Variants in JUND observed in about 807,000 individuals in gnomAD.
JUND encodes transcription factor JunD.
A neutral mutation model predicts 7.1 loss-of-function variants in JUND; 2 were observed. That is an observed-to-expected ratio of 0.28 (90% CI 0.11 to 0.88). The LOEUF (loss-of-function observed/expected upper bound fraction) is 0.88. JUND is among the 40% of genes least tolerant of loss of function. The probability of loss-of-function intolerance (pLI) is 0.60; values close to 1 mark genes in which losing one functional copy is unlikely to be tolerated. For synonymous variants in JUND, 335 were observed against 263.2 expected (o/e 1.27, Z -2.64); for missense variants, 479 against 519.1 (o/e 0.92, Z 0.75).
chr19:18,280,543 C>T lies in JUND; in HGVS notation c.942G>A (p.Ala314=), dbSNP rs779640271. The T allele has an allele frequency of 1.9e-6, 3 of 1,612,106 alleles. No homozygotes were observed. The highest frequency in any genetic ancestry group is 1.7e-6 in the Non-Finnish European group (2 of 1,179,554). ...KSQNTELAST[A]SLLREQVAQL... Reference sequence around the variant, plus strand: ...GCGCCACCTGCTCGCGCAGCAGGCTCGCCGTGGACGCCAGCTCCGTGTTCT... The same window carrying T: ...GCGCCACCTGCTCGCGCAGCAGGCTTGCCGTGGACGCCAGCTCCGTGTTCT... Residue 314 remains alanine (A), a synonymous_variant, in exon 1 of 1, where the codon GCG becomes GCA. Transcript: ENST00000252818. This position sits in a 1 kb window ranked among gnomAD's most constrained non-coding sequence, Gnocchi z 4.1.
In JUND at chr19:18,280,280, G is replaced by C; in HGVS notation, c.*161C>G. ...GTCGAGTCCTGGGCACCCTCGGGGG[G>C]GGGGAATCCCCGGGGGCCGCGCCCT... On this transcript the variant is annotated 3_prime_UTR_variant, in exon 1 of 1. Transcript: ENST00000252818. This position sits in a 1 kb window ranked among gnomAD's most constrained non-coding sequence, Gnocchi z 4.1. 3 of 659,820 alleles carry C rather than the reference G, an allele frequency of 4.5e-6. No homozygotes were observed. Among genetic ancestry groups the C allele is most frequent in the Non-Finnish European group, 7.4e-6 (3 of 408,032 alleles). The allele number at this position is 659,820 out of a possible 1,614,324, so 40.9% of individuals were successfully genotyped here.
rs1173023964 is a variant in JUND at position 18,280,999 on chromosome 19, G to A, written c.486C>T (p.Ala162=). 2 of 1,231,952 alleles carry A rather than the reference G, an allele frequency of 1.6e-6. No individual in the cohort carries two copies. The highest frequency in any genetic ancestry group is 2.0e-6 in the Non-Finnish European group (2 of 987,578). 76.3% of individuals were successfully genotyped at this position (1,231,952 alleles called of 1,614,324 possible). A position where few individuals can be genotyped will look rare whatever the true frequency, so the allele number is the denominator to read the frequency against. The change falls in exon 1 of 1, where the codon GCC becomes GCT. Residue 162 remains alanine (A), a synonymous_variant. Coordinates refer to ENST00000252818, the MANE Select transcript of JUND (RefSeq NM_005354.6). This position sits in a 1 kb window ranked among gnomAD's most constrained non-coding sequence, Gnocchi z 4.1. ...CCGAGGGCCCCCCGGCGGCGGCGGC[G>A]GCGGCGGCAGCGGCCGCGCCCGCGC... ...QLGAGAAAAA[A]AAAAGGPSGT...
At position 18,280,866 on chromosome 19, in the gene JUND, C is replaced by G; in HGVS notation, c.619G>C (p.Ala207Pro). Reference protein sequence around the residue: ...LSSYAGGAGGAGGAATVAFAA... With the variant: ...LSSYAGGAGGPGGAATVAFAA... ...AAGGCGACCGTCGCGGCGCCCCCCG[C>G]GCCCCCGGCGCCGCCCGCGTAGCTG... The change falls in exon 1 of 1, where the codon GCG (alanine) becomes CCG (proline). Residue 207 changes from alanine to proline, a missense_variant. By Grantham distance (27) the Ala-to-Pro change is conservative. Around this residue, in one of 3 missense-constraint regions of JUND, gnomAD observed 374 missense variants for 365.4 expected, o/e 1.02. Coordinates refer to ENST00000252818, the MANE Select transcript of JUND (RefSeq NM_005354.6). This position sits in a 1 kb window ranked among gnomAD's most constrained non-coding sequence, Gnocchi z 4.1. 1 of 1,297,814 alleles carries G rather than the reference C, an allele frequency of 7.7e-7. No homozygotes were observed. Among genetic ancestry groups the G allele is most frequent in the Non-Finnish European group, 9.7e-7 (1 of 1,033,882 alleles). 80.4% of individuals were successfully genotyped at this position (1,297,814 alleles called of 1,614,324 possible).
rs2148120637 is a variant in JUND, at chr19:18,280,136, C to G, written c.*305G>C. 1 of 348,584 alleles carries G rather than the reference C, an allele frequency of 2.9e-6. No individual in the cohort carries two copies. Among genetic ancestry groups the G allele is most frequent in the East Asian group, 8.4e-5 (1 of 11,844 alleles). The allele number at this position is 348,584 out of a possible 1,614,324, so 21.6% of individuals were successfully genotyped here. ...GAGCCCCCTTCCGCGGCGCGGTGTA[C>G]AAAGGGGCAGCCGAGACGCGCGGGT... On this transcript the variant is annotated 3_prime_UTR_variant, in exon 1 of 1. Coordinates refer to ENST00000252818, the MANE Select transcript of JUND (RefSeq NM_005354.6). The surrounding 1 kb of genome is among the most constrained non-coding windows in gnomAD (Gnocchi z 4.1).
chr19:18,281,547 G>GC lies in JUND; in HGVS notation c.-64dup, dbSNP rs1042984514. On this transcript the variant is annotated 5_prime_UTR_variant, in exon 1 of 1. Transcript: ENST00000252818. Reference sequence around the variant, plus strand: ...GGCCGCGGCCTCCCGGGGGGCCCGCGCCCCCCCGTCCGCTCGGCCCTGCGC... The same window carrying GC: ...GGCCGCGGCCTCCCGGGGGGCCCGCGCCCCCCCCGTCCGCTCGGCCCTGCGC... 113 of 840,110 alleles carry GC rather than the reference G, an allele frequency of 1.3e-4. No individual in the cohort carries two copies. Among genetic ancestry groups the GC allele is most frequent in the Admixed American group, 5.4e-4 (10 of 18,430 alleles). 52.0% of individuals were successfully genotyped at this position (840,110 alleles called of 1,614,324 possible). A position where few individuals can be genotyped will look rare whatever the true frequency, so the allele number is the denominator to read the frequency against.
chr19:18,280,212 G>C lies in JUND; in HGVS notation c.*229C>G. On this transcript the variant is annotated 3_prime_UTR_variant, in exon 1 of 1. Transcript: ENST00000252818. The surrounding 1 kb of genome is among the most constrained non-coding windows in gnomAD (Gnocchi z 4.1). The stretch of plus-strand genomic sequence containing the variant: ...GGGGAAAGAGGCAGCGCGAGGGCGG[G>C]GGGGTCATGCGCTCGCCCCCCCGGG... 1 of 443,884 alleles carries C rather than the reference G, an allele frequency of 2.3e-6. No homozygotes were observed. The highest frequency in any genetic ancestry group is 4.0e-6 in the Non-Finnish European group (1 of 249,640). The allele number at this position is 443,884 out of a possible 1,614,324, so 27.5% of individuals were successfully genotyped here.
Position 18,281,432 on chromosome 19 carries a change from G to A in JUND, c.53C>T (p.Ala18Val), listed in dbSNP as rs996783975. Residue 18 changes from alanine (A) to valine (V), a missense_variant, in exon 1 of 1, where the codon GCC (alanine) becomes GTC (valine). By Grantham distance (64) the Ala-to-Val change is moderately conservative. Around this residue, in one of 3 missense-constraint regions of JUND, gnomAD observed 374 missense variants for 365.4 expected, o/e 1.02. Coordinates refer to ENST00000252818, the MANE Select transcript of JUND (RefSeq NM_005354.6). ...CGCGAAGCTGCCGCCGCTGCCACTG[G>A]CGCCGCCGCCCAGGCCGCTCAGCGC... ...DEALSGLGGG[A>V]SGSGGSFASP... The A allele has an allele frequency of 1.5e-6, 2 of 1,366,366 alleles. No homozygotes were observed. Among genetic ancestry groups the A allele is most frequent in the Non-Finnish European group, 1.9e-6 (2 of 1,065,212 alleles). The allele number at this position is 1,366,366 out of a possible 1,614,324, so 84.6% of individuals were successfully genotyped here.
Position 18,281,330 on chromosome 19 carries a change from A to G in JUND, c.155T>C (p.Leu52Pro). Residue 52 changes from leucine (L) to proline (P), a missense_variant, in exon 1 of 1, where the codon CTG becomes CCG. Leu to Pro is a moderately conservative substitution (Grantham distance 98). Coordinates refer to ENST00000252818, the MANE Select transcript of JUND (RefSeq NM_005354.6). Reference protein sequence around the residue: ...GSMMKKDALTLSLSEQVAAAL... With the variant: ...GSMMKKDALTPSLSEQVAAAL... The stretch of plus-strand genomic sequence containing the variant: ...TGCCGCCACCTGCTCACTCAGGCTC[A>G]GCGTCAGCGCGTCCTTCTTCATCAT... 3 of 1,356,470 alleles carry G rather than the reference A, an allele frequency of 2.2e-6. No homozygotes were observed. The highest frequency in any genetic ancestry group is 2.8e-6 in the Non-Finnish European group (3 of 1,064,320). 84.0% of individuals were successfully genotyped at this position (1,356,470 alleles called of 1,614,324 possible). A position where few individuals can be genotyped will look rare whatever the true frequency, so the allele number is the denominator to read the frequency against.
Position 18,281,452 on chromosome 19 carries a change from C to T in JUND, c.33G>A (p.Leu11=). 7.3e-7 allele frequency: 1 copy of T among 1,370,188 alleles called. No homozygotes were observed. The highest frequency in any genetic ancestry group is 9.4e-7 in the Non-Finnish European group (1 of 1,064,698). The allele number at this position is 1,370,188 out of a possible 1,614,324, so 84.9% of individuals were successfully genotyped here. A position where few individuals can be genotyped will look rare whatever the true frequency, so the allele number is the denominator to read the frequency against. ...CACTGGCGCCGCCGCCCAGGCCGCT[C>T]AGCGCCTCATCGCCGTAGAAGGGTG... METPFYGDEA[L]SGLGGGASGS... The change falls in exon 1 of 1, where the codon CTG becomes CTA. Residue 11 remains leucine (L), a synonymous_variant. Coordinates refer to ENST00000252818, the MANE Select transcript of JUND (RefSeq NM_005354.6).
Position 18,281,279 on chromosome 19 carries a change from G to A in JUND, c.206C>T (p.Pro69Leu), listed in dbSNP as rs576882801. ...GCCGTCGGCGCGCAGGGGGGTAGGA[G>A]GCGGCGCGGCCGCAGGCTTGAGCGC... ...AAALKPAAAP[P>L]PTPLRADGAP... The change falls in exon 1 of 1, where the codon CCT (proline) becomes CTT (leucine). Residue 69 changes from proline (P) to leucine (L), a missense_variant. Physicochemically the swap from Pro to Leu is moderately conservative, Grantham distance 98. This residue lies in a region of JUND where 374 missense variants were observed against 365.4 expected (regional missense o/e 1.02). Transcript: ENST00000252818. The A allele has an allele frequency of 3.4e-5, 49 of 1,422,670 alleles. No individual in the cohort carries two copies. The African/African-American group carries it at 5.4e-4, about 16-fold the overall frequency. The allele number at this position is 1,422,670 out of a possible 1,614,324, so 88.1% of individuals were successfully genotyped here.
Position 18,281,429 on chromosome 19 carries a change from C to T in JUND, c.56G>A (p.Ser19Asn), listed in dbSNP as rs1969947650. The part of the protein sequence containing the change: ...EALSGLGGGA[S>N]GSGGSFASPG... ...GGACGCGAAGCTGCCGCCGCTGCCA[C>T]TGGCGCCGCCGCCCAGGCCGCTCAG... Residue 19 changes from serine to asparagine, a missense_variant, in exon 1 of 1, where the codon AGT becomes AAT. Ser to Asn is a conservative substitution (Grantham distance 46). Transcript: ENST00000252818. The T allele has an allele frequency of 7.3e-7, 1 of 1,366,042 alleles. No homozygotes were observed. The highest frequency in any genetic ancestry group is 9.4e-7 in the Non-Finnish European group (1 of 1,065,078). 84.6% of individuals were successfully genotyped at this position (1,366,042 alleles called of 1,614,324 possible). A position where few individuals can be genotyped will look rare whatever the true frequency, so the allele number is the denominator to read the frequency against.
Position 18,279,701 on chromosome 19 carries a change from C to T in JUND, c.*740G>A, listed in dbSNP as rs541023467. 1.3e-5 allele frequency: 2 copies of T among 152,020 alleles called. No homozygotes were observed. The highest frequency in any genetic ancestry group is 2.4e-5 in the African/African-American group (1 of 41,030). 9.4% of individuals were successfully genotyped at this position (152,020 alleles called of 1,614,324 possible). On this transcript the variant is annotated 3_prime_UTR_variant, in exon 1 of 1. Transcript: ENST00000252818. ...GGCGGGGGTGTAGGGGGGAAGCGAACCAGGCCCCGCCCAGCCCGCCAGGCC... is the reference window on the plus strand; with the variant it reads ...GGCGGGGGTGTAGGGGGGAAGCGAATCAGGCCCCGCCCAGCCCGCCAGGCC...
Position 18,280,364 on chromosome 19 carries a change from G to A in JUND, c.*77C>T. The stretch of plus-strand genomic sequence containing the variant: ...GTCCCCAGGGCCGCACCCTCTCCAA[G>A]TCCGGGGCGCCCACGACACCCCCCC... On this transcript the variant is annotated 3_prime_UTR_variant, in exon 1 of 1. Coordinates refer to ENST00000252818, the MANE Select transcript of JUND (RefSeq NM_005354.6). The surrounding 1 kb of genome is among the most constrained non-coding windows in gnomAD (Gnocchi z 4.1). 6.8e-7 allele frequency: 1 copy of A among 1,475,010 alleles called. No homozygotes were observed. Among genetic ancestry groups the A allele is most frequent in the South Asian group, 1.3e-5 (1 of 79,536 alleles). The allele number at this position is 1,475,010 out of a possible 1,614,324, so 91.4% of individuals were successfully genotyped here.
rs775374628 is a variant in JUND at position 18,280,825 on chromosome 19, C to T, written c.660G>A (p.Val220=). ...CTGGGGGTGGCGGCGGCGGGAAGGGCACAGGTTCGGCAGCGAAGGCGACCG... is the reference window on the plus strand; with the variant it reads ...CTGGGGGTGGCGGCGGCGGGAAGGGTACAGGTTCGGCAGCGAAGGCGACCG... ...AATVAFAAEP[V]PFPPPPPPGA... Residue 220 remains valine (V), a synonymous_variant, in exon 1 of 1, where the codon GTG becomes GTA. Transcript: ENST00000252818. This position sits in a 1 kb window ranked among gnomAD's most constrained non-coding sequence, Gnocchi z 4.1. 1 of 1,511,596 alleles carries T rather than the reference C, an allele frequency of 6.6e-7. No individual in the cohort carries two copies. The highest frequency in any genetic ancestry group is 8.8e-7 in the Non-Finnish European group (1 of 1,141,018). 93.6% of individuals were successfully genotyped at this position (1,511,596 alleles called of 1,614,324 possible).
Position 18,280,861 on chromosome 19 carries a change from C to A in JUND, c.624G>T (p.Gly208=), listed in dbSNP as rs1343768651. ...SSYAGGAGGA[G]GAATVAFAAE... ...CAGCGAAGGCGACCGTCGCGGCGCC[C>A]CCCGCGCCCCCGGCGCCGCCCGCGT... The change falls in exon 1 of 1, where the codon GGG becomes GGT. Residue 208 remains glycine (G), a synonymous_variant. Coordinates refer to ENST00000252818, the MANE Select transcript of JUND (RefSeq NM_005354.6). This position sits in a 1 kb window ranked among gnomAD's most constrained non-coding sequence, Gnocchi z 4.1. 1.4e-5 allele frequency: 19 copies of A among 1,310,638 alleles called. No homozygotes were observed. The highest frequency in any genetic ancestry group is 4.2e-5 in the Admixed American group (1 of 23,568). 81.2% of individuals were successfully genotyped at this position (1,310,638 alleles called of 1,614,324 possible).
Position 18,280,505 on chromosome 19 carries a change from T to C in JUND, c.980A>G (p.Lys327Arg). The C allele has an allele frequency of 6.2e-7, 1 of 1,602,610 alleles. No homozygotes were observed. Among genetic ancestry groups the C allele is most frequent in the Non-Finnish European group, 8.5e-7 (1 of 1,175,106 alleles). Residue 327 changes from lysine to arginine, a missense_variant, in exon 1 of 1, where the codon AAA becomes AGA. This residue lies in a region of JUND where 42 missense variants were observed against 37.1 expected (regional missense o/e 1.13). Transcript: ENST00000252818. This position sits in a 1 kb window ranked among gnomAD's most constrained non-coding sequence, Gnocchi z 4.1. The stretch of plus-strand genomic sequence containing the variant: ...GCCGCTGTTGACGTGGCTGAGGACT[T>C]TCTGCTTGAGCTGCGCCACCTGCTC... ...LREQVAQLKQ[K>R]VLSHVNSGCQ...
Position 18,280,035 on chromosome 19 carries a change from G to A in JUND, c.*406C>T, listed in dbSNP as rs1969903835. The A allele has an allele frequency of 8.6e-6, 2 of 232,848 alleles. No individual in the cohort carries two copies. The highest frequency in any genetic ancestry group is 4.5e-5 in the South Asian group (1 of 22,258). 14.4% of individuals were successfully genotyped at this position (232,848 alleles called of 1,614,324 possible). A position where few individuals can be genotyped will look rare whatever the true frequency, so the allele number is the denominator to read the frequency against. On this transcript the variant is annotated 3_prime_UTR_variant, in exon 1 of 1. Coordinates refer to ENST00000252818, the MANE Select transcript of JUND (RefSeq NM_005354.6). The surrounding 1 kb of genome is among the most constrained non-coding windows in gnomAD (Gnocchi z 4.1). ...TAAATAGGGCAGAATCGAACACTCT[G>A]TTCTTCTCTCTTCCAAAGAAAAAAA... is the stretch of plus-strand genomic sequence containing the variant.
chr19:18,280,792 C>T lies in JUND; in HGVS notation c.693G>A (p.Leu231=). ...TGAGCGCAGCCAGGCGCGGCGGCCCCAACGCGCCTGGGGGTGGCGGCGGCG... is the reference window on the plus strand; with the variant it reads ...TGAGCGCAGCCAGGCGCGGCGGCCCTAACGCGCCTGGGGGTGGCGGCGGCG... The part of the protein sequence containing the change: ...PFPPPPPPGA[L]GPPRLAALKD... The change falls in exon 1 of 1, where the codon TTG becomes TTA. Residue 231 remains leucine, a synonymous_variant. Coordinates refer to ENST00000252818, the MANE Select transcript of JUND (RefSeq NM_005354.6). This position sits in a 1 kb window ranked among gnomAD's most constrained non-coding sequence, Gnocchi z 4.1. 1 of 1,584,994 alleles carries T rather than the reference C, an allele frequency of 6.3e-7. No homozygotes were observed. The highest frequency in any genetic ancestry group is 1.1e-5 in the South Asian group (1 of 89,144).
Position 18,280,271 on chromosome 19 carries a change from C to G in JUND, c.*170G>C. The G allele has an allele frequency of 1.7e-6, 1 of 576,618 alleles. No individual in the cohort carries two copies. The highest frequency in any genetic ancestry group is 2.2e-5 in the South Asian group (1 of 46,356). The allele number at this position is 576,618 out of a possible 1,614,324, so 35.7% of individuals were successfully genotyped here. The stretch of plus-strand genomic sequence containing the variant: ...GTCCAGCTTGTCGAGTCCTGGGCAC[C>G]CTCGGGGGGGGGGAATCCCCGGGGG... On this transcript the variant is annotated 3_prime_UTR_variant, in exon 1 of 1. Transcript: ENST00000252818. The surrounding 1 kb of genome is among the most constrained non-coding windows in gnomAD (Gnocchi z 4.1).
Sources: allele counts gnomAD v4.1 joint callset, GRCh38; gene constraint gnomAD v4.1.1; regional missense constraint gnomAD v4.1.1; non-coding constraint Gnocchi (gnomAD v3.1); transcripts MANE v1.5; gene names NCBI Gene and HGNC (gene_info 2026-07-23, HGNC 2026-07-21).